The following FBXO31 variants were observed in gnomAD, a reference collection of about 807,000 sequenced individuals.
FBXO31 encodes F-box protein 31, also known as F-box only protein 31.
FBXO31 carries 24 observed loss-of-function variants against 54.4 expected under a neutral mutation model. That is an observed-to-expected ratio of 0.44 (90% CI 0.32 to 0.62). The LOEUF (loss-of-function observed/expected upper bound fraction) is 0.62. Ranked by LOEUF, FBXO31 falls within the 20% of genes least tolerant of loss-of-function variation. The pLI is 0.05. For synonymous variants in FBXO31, 388 were observed against 335.6 expected, an observed-to-expected ratio of 1.16 and a Z score of -1.71; for missense variants, 665 against 787.1, an observed-to-expected ratio of 0.84 and a Z score of 1.86.
In FBXO31 at chr16:87,383,571, G is replaced by C. The variant is rs1428018385; in HGVS notation, c.174C>G (p.Pro58=). Residue 58 remains proline (P), a synonymous_variant, in exon 1 of 9, where the codon CCC becomes CCG. Coordinates refer to ENST00000311635, the MANE Select transcript of FBXO31 (RefSeq NM_024735.5). The surrounding 1 kb of genome is among the most constrained non-coding windows in gnomAD (Gnocchi z 4.9). ...GCGAGCAGCGCGGGGGCGGCGGCGA[G>C]GGGCCCGCGCACAAGCCGCCCCCGA... ...AGVGGGLCAG[P]SPPPPRCSLL... is the part of the protein sequence containing the mutation. 2.0e-6 allele frequency: 3 copies of C among 1,516,834 alleles called. No individual in the cohort carries two copies. The highest frequency in any genetic ancestry group is 2.2e-5 in the Admixed American group (1 of 45,556). The allele number at this position is 1,516,834 out of a possible 1,614,324, so 94.0% of individuals were successfully genotyped here. A position where few individuals can be genotyped will look rare whatever the true frequency, so the allele number is the denominator to read the frequency against.
chr16:87,347,587 G>A (rs1404291500), intron 2 of FBXO31, among the ~76,000 whole-genome samples: 2 of 151,296 alleles, frequency 1.3e-5, no homozygotes, highest in Admixed American at 6.6e-5. Context: ...GGCTGAGGCA[G>A]GAGAATGGCA....
chr16:87,389,643 T>C (rs138786323), intron 1 of FBXO31: 28 of 152,270 alleles, frequency 1.8e-4, no homozygotes, highest in African/African-American at 6.3e-4. Context: ...ATCATAAAAA[T>C]CCAGAAAAGA....
intron 2 of FBXO31, among the ~76,000 whole-genome samples, chr16:87,359,695 G>C (rs902480615): frequency 6.6e-6 from 1 of 152,242 alleles, no homozygotes; most frequent in African/African-American, 2.4e-5. Flanking sequence ...GCTTCGTCCA[G>C]TGAGCAAGAA....
At chr16:87,374,450 T>C (rs974574164) in intron 1 of FBXO31, among the ~76,000 whole-genome samples, 3 of 152,140 alleles carry the variant, frequency 2.0e-5, no homozygotes, top group African/African-American at 7.2e-5. Flanking sequence ...GGTACTGCAC[T>C]GAAAGTGGAA....
intron 1 of FBXO31, among the ~76,000 whole-genome samples, chr16:87,373,516 T>C (rs990737011): frequency 6.7e-6 from 1 of 148,538 alleles, no homozygotes; most frequent in African/African-American, 2.4e-5. Flanking sequence ...TATATACACA[T>C]ACATACCTGA....
Position 87,383,765 on chromosome 16 carries a change from G to C in FBXO31, c.-21C>G, listed in dbSNP as rs1027435460. On this transcript the variant is annotated 5_prime_UTR_variant, in exon 1 of 9. Coordinates refer to ENST00000311635, the MANE Select transcript of FBXO31 (RefSeq NM_024735.5). The surrounding 1 kb of genome is among the most constrained non-coding windows in gnomAD (Gnocchi z 4.9). The stretch of plus-strand genomic sequence containing the variant: ...GCCATGCCGCCCAGTGACGGCCACT[G>C]CTGCCGCCTGTGCGCACGCTCCAGC... 19 of 1,188,328 alleles carry C rather than the reference G, an allele frequency of 1.6e-5. No individual in the cohort carries two copies. The highest frequency in any genetic ancestry group is 1.9e-5 in the Non-Finnish European group (18 of 961,606). 73.6% of individuals were successfully genotyped at this position (1,188,328 alleles called of 1,614,324 possible).
At chr16:87,380,482 G>A (rs1252853677) in intron 1 of FBXO31, among the ~76,000 whole-genome samples, 1 of 151,966 alleles carries the variant, frequency 6.6e-6, no homozygotes, top group Non-Finnish European at 1.5e-5. Context: ...GCTCACTGCA[G>A]CCTCGACCGC....
chr16:87,359,490 A>C (rs1251000880), intron 2 of FBXO31, among the ~76,000 whole-genome samples: 2 of 152,372 alleles, frequency 1.3e-5, no homozygotes, highest in East Asian at 3.9e-4. Flanking sequence ...TTTGGTGCTG[A>C]CAACTCTTAG....
chr16:87,333,212 G>A (rs1904923944), intron 8 of FBXO31, among the ~76,000 whole-genome samples: 1 of 152,214 alleles, frequency 6.6e-6, no homozygotes. Flanking sequence ...ACAGGAGCTG[G>A]CAGCTGTGCA....
At chr16:87,343,946 G>T (rs1254411640) in intron 3 of FBXO31, among the ~76,000 whole-genome samples, 181 bp from the exon 4 acceptor site, 1 of 152,270 alleles carries the variant, frequency 6.6e-6, no homozygotes, top group African/African-American at 2.4e-5. Context: ...CTGAGATGCA[G>T]GTGGACACCA....
chr16:87,357,032 G>A (rs1052033612), intron 2 of FBXO31, among the ~76,000 whole-genome samples: 2 of 152,102 alleles, frequency 1.3e-5, no homozygotes, highest in African/African-American at 4.8e-5. Context: ...GAATGAATGA[G>A]CCCAAGAGTA....
At chr16:87,370,464 T>C (rs1906551580) in intron 1 of FBXO31, among the ~76,000 whole-genome samples, 1 of 152,166 alleles carries the variant, frequency 6.6e-6, no homozygotes, top group Non-Finnish European at 1.5e-5. Context: ...GGAGAGAGCT[T>C]TGCCCAGCCC....
chr16:87,365,547 G>A (rs1906330680), intron 1 of FBXO31, among the ~76,000 whole-genome samples: 1 of 152,302 alleles, frequency 6.6e-6, no homozygotes, highest in South Asian at 2.1e-4. Flanking sequence ...GGGAGTCCCA[G>A]GCATCACCAT....
chr16:87,384,109 T>G (rs756870433), upstream of FBXO31: 30 of 156,530 alleles, frequency 1.9e-4, no homozygotes, highest in Non-Finnish European at 3.4e-4. Context: ...CGGCGACCAC[T>G]TCGCGCCGCG....
At chr16:87,344,861 C>G (rs1365066455) in intron 3 of FBXO31, among the ~76,000 whole-genome samples, 1 of 151,928 alleles carries the variant, frequency 6.6e-6, no homozygotes, top group Admixed American at 6.5e-5. Flanking sequence ...CACCTGGGGG[C>G]AAAACCCATC....
At chr16:87,354,512 C>T (rs931768654) in intron 2 of FBXO31, among the ~76,000 whole-genome samples, 4 of 151,858 alleles carry the variant, frequency 2.6e-5, no homozygotes, top group South Asian at 2.1e-4. Flanking sequence ...GCTTCACCAA[C>T]GTGCAGAGAA....
Position 87,333,872 on chromosome 16 carries a change from C to T in FBXO31, c.1397+14G>A, listed in dbSNP as rs781050899. The T allele has an allele frequency of 1.8e-5, 29 of 1,582,326 alleles. No individual in the cohort carries two copies. Among genetic ancestry groups the T allele is most frequent in the Non-Finnish European group, 2.3e-5 (27 of 1,161,658 alleles). ...TGTCCCACCTTCAGGCCCCAGTACC[C>T]GCCGCATCCTTACCACATCCTGCAG... On this transcript the variant is annotated intron_variant, in intron 8 of 8. Transcript: ENST00000311635.
chr16:87,366,495 G>A lies in FBXO31; in HGVS notation c.341-6129C>T, dbSNP rs115296146. Among the ~76,000 whole-genome samples the A allele has an allele frequency of 3.9e-3, 599 of 152,316 alleles. 5 individuals are homozygous for A. Among genetic ancestry groups the A allele is most frequent in the African/African-American group, 0.014 (573 of 41,572 alleles). On this transcript the variant is annotated intron_variant, in intron 1 of 8. Transcript: ENST00000311635. ...CAGAGCAGTGCAGAGGCCTGGAAACGCCCAGAGTGGGAAGGGCCCTGAGCA... is the reference window on the plus strand; with the variant it reads ...CAGAGCAGTGCAGAGGCCTGGAAACACCCAGAGTGGGAAGGGCCCTGAGCA...
intron 1 of FBXO31, chr16:87,362,514 G>A (rs995428960): frequency 5.9e-5 from 9 of 152,146 alleles, no homozygotes; most frequent in African/African-American, 1.7e-4. Flanking sequence ...TGTTGCCCAG[G>A]CTGTAGTATA....
Sources: allele counts gnomAD v4.1 joint callset (sites outside exome capture counted in the v4.1 genomes callset), GRCh38; gene constraint gnomAD v4.1.1; non-coding constraint Gnocchi (gnomAD v3.1); transcripts MANE v1.5; gene names NCBI Gene and HGNC (gene_info 2026-07-23, HGNC 2026-07-21).